The following MACROD2 variants were observed in gnomAD, a reference collection of about 807,000 sequenced individuals.
The protein encoded by MACROD2 is mono-ADP ribosylhydrolase 2, also known as ADP-ribose glycohydrolase MACROD2.
MACROD2 carries 36 observed loss-of-function variants against 70.4 expected under a neutral mutation model. That is an observed-to-expected ratio of 0.51 (90% CI 0.39 to 0.68). The LOEUF is 0.68. MACROD2 is among the 30% of genes least tolerant of loss of function. The pLI is 0.00. For synonymous variants in MACROD2, 172 were observed against 178.8 expected, an observed-to-expected ratio of 0.96 and a Z score of 0.30; for missense variants, 496 against 538.4, an observed-to-expected ratio of 0.92 and a Z score of 0.78.
chr20:14,355,683 AG>A (rs2083165398), intron 3 of MACROD2, among the ~76,000 whole-genome samples: 1 of 152,244 alleles, frequency 6.6e-6, no homozygotes, highest in Non-Finnish European at 1.5e-5. Context: ...AATGGAAAAA[AG>A]GAAAGAAACT....
At chr20:15,107,347 C>T (rs996442638) in intron 5 of MACROD2, among the ~76,000 whole-genome samples, 1 of 151,780 alleles carries the variant, frequency 6.6e-6, no homozygotes, top group African/African-American at 2.4e-5. Context: ...TGAGCTGACA[C>T]ATAACCAATT....
At chr20:15,425,097 A>C (rs2046280625) in intron 6 of MACROD2, among the ~76,000 whole-genome samples, 1 of 152,226 alleles carries the variant, frequency 6.6e-6, no homozygotes, top group Non-Finnish European at 1.5e-5. Context: ...CAGAGCCAAC[A>C]GTGGGTCAGT....
At chr20:15,006,141 A>ATATATGTGTGTG (rs141289169) in intron 5 of MACROD2, among the ~76,000 whole-genome samples, 1 of 134,294 alleles carries the variant, frequency 7.4e-6, no homozygotes, top group Non-Finnish European at 1.6e-5. Context: ...ATATATATAT[A>ATATATGTGTGTG]TGTGTGTGTG....
intron 15 of MACROD2, 123 bp downstream of exon 15, chr20:15,987,281 C>A: frequency 1.3e-6 from 1 of 746,388 alleles, no homozygotes; most frequent in Non-Finnish European, 2.2e-6. Flanking sequence ...ACGAACATTT[C>A]CTTAACCCCA....
intron 12 of MACROD2, among the ~76,000 whole-genome samples, chr20:15,966,441 A>G (rs1298081611): frequency 6.6e-6 from 1 of 152,162 alleles, no homozygotes; most frequent in Non-Finnish European, 1.5e-5. Flanking sequence ...TTGGCTCCCC[A>G]ACATCAAGTA....
At chr20:14,941,782 C>CTT (rs11484003) in intron 5 of MACROD2, among the ~76,000 whole-genome samples, 20 of 148,678 alleles carry the variant, frequency 1.3e-4, no homozygotes, top group South Asian at 2.1e-4. Context: ...TTCTCTCTCT[C>CTT]TTTTTTTTTT....
chr20:14,238,679 T>C (rs978749410), intron 3 of MACROD2, among the ~76,000 whole-genome samples: 2 of 152,098 alleles, frequency 1.3e-5, no homozygotes, highest in African/African-American at 4.8e-5. Context: ...ACCCAAAAGC[T>C]CCTTGAGCTG....
At chr20:14,404,296 T>G (rs2083669641) in intron 3 of MACROD2, among the ~76,000 whole-genome samples, 1 of 152,086 alleles carries the variant, frequency 6.6e-6, no homozygotes, top group Non-Finnish European at 1.5e-5. Flanking sequence ...CAGATATGAT[T>G]AAGGAAGCAC....
intron 7 of MACROD2, among the ~76,000 whole-genome samples, chr20:15,468,443 A>C (rs908588865): frequency 2.6e-5 from 4 of 152,166 alleles, no homozygotes; most frequent in African/African-American, 9.7e-5. Context: ...TTCACAGTTG[A>C]CTAGTGATTT....
rs112314064 is a variant in MACROD2 at position 14,851,120 on chromosome 20, T to G, written c.418+166161T>G. Among the ~76,000 whole-genome samples the G allele has an allele frequency of 6.1e-3, 927 of 152,276 alleles. 10 individuals are homozygous for G. Among genetic ancestry groups the G allele is most frequent in the African/African-American group, 0.021 (885 of 41,558 alleles). ...GGAAATAAAAATACACAAAGTAAGT[T>G]GTCATTGAGGGAAAGAGTTAAAAAG... On this transcript the variant is annotated intron_variant, in intron 5 of 17. Coordinates refer to ENST00000684519, the MANE Select transcript of MACROD2 (RefSeq NM_001351661.2).
intron 2 of MACROD2, among the ~76,000 whole-genome samples, chr20:14,032,685 A>G (rs4814275): frequency 5.3e-5 from 8 of 152,294 alleles, no homozygotes; most frequent in Admixed American, 3.3e-4. Context: ...GTTGAGCACT[A>G]TATAAGTTGG....
chr20:14,632,233 A>G (rs74489867), intron 4 of MACROD2, among the ~76,000 whole-genome samples: 5,123 of 152,214 alleles, frequency 0.034, 306 homozygotes, highest in African/African-American at 0.12. Flanking sequence ...TTCTGGCAAA[A>G]ATCAGTCCTT....
chr20:14,971,465 A>C (rs1240021932), intron 5 of MACROD2, among the ~76,000 whole-genome samples: 1 of 152,022 alleles, frequency 6.6e-6, no homozygotes, highest in African/African-American at 2.4e-5. Flanking sequence ...GGGGACTCTG[A>C]ATTACTTATT....
At chr20:14,191,797 G>A (rs6033897) in intron 3 of MACROD2, among the ~76,000 whole-genome samples, 143,870 of 152,300 alleles carry the variant, frequency 0.94, 67,986 homozygotes, top group East Asian at 0.99. Flanking sequence ...AAAGAGGTCA[G>A]TTGGCTCATG....
intron 5 of MACROD2, among the ~76,000 whole-genome samples, chr20:14,732,336 GT>G (rs562658323): frequency 5.8e-4 from 89 of 152,154 alleles, no homozygotes; most frequent in African/African-American, 2.1e-3. Flanking sequence ...TGTAATCTTT[GT>G]TTGGACTTTC....
At chr20:15,675,567 G>T (rs2050046015) in intron 8 of MACROD2, among the ~76,000 whole-genome samples, 1 of 152,178 alleles carries the variant, frequency 6.6e-6, no homozygotes, top group East Asian at 1.9e-4. Flanking sequence ...CCTTTTAAAG[G>T]CATTTTGAAA....
intron 7 of MACROD2, among the ~76,000 whole-genome samples, chr20:15,476,598 GCA>G (rs2047025974): frequency 6.6e-6 from 1 of 151,648 alleles, no homozygotes; most frequent in South Asian, 2.1e-4. Context: ...TGTCAACTGA[GCA>G]CAGTGTAGTT....
intron 3 of MACROD2, among the ~76,000 whole-genome samples, chr20:14,427,263 G>A (rs1301420802): frequency 6.6e-6 from 1 of 151,830 alleles, no homozygotes; most frequent in Non-Finnish European, 1.5e-5. Context: ...ACACCTCTGT[G>A]TTGATAAATC....
At chr20:14,687,663 C>G (rs970636444) in intron 5 of MACROD2, among the ~76,000 whole-genome samples, 1 of 152,056 alleles carries the variant, frequency 6.6e-6, no homozygotes, top group African/African-American at 2.4e-5. Flanking sequence ...TCCTGAGAGC[C>G]GACAGATACT....
Sources: allele counts gnomAD v4.1 joint callset (sites outside exome capture counted in the v4.1 genomes callset), GRCh38; gene constraint gnomAD v4.1.1; transcripts MANE v1.5; gene names NCBI Gene and HGNC (gene_info 2026-07-23, HGNC 2026-07-21).